The following CEP44 variants were observed in gnomAD, a reference collection of about 807,000 sequenced individuals.
CEP44 encodes centrosomal protein of 44 kDa.
In CEP44, 45 loss-of-function variants were observed where a neutral mutation model predicts 46.7. That is an observed-to-expected ratio of 0.96 (90% CI 0.76 to 1.24). CEP44 has a LOEUF of 1.24. Ranked by LOEUF, CEP44 falls within the 50% of genes most tolerant of loss-of-function variation. The probability of loss-of-function intolerance (pLI) is 0.00; values close to 1 mark genes in which losing one functional copy is unlikely to be tolerated. For synonymous variants in CEP44, 142 were observed against 146.0 expected, an observed-to-expected ratio of 0.97 and a Z score of 0.20; for missense variants, 475 against 459.7, an observed-to-expected ratio of 1.03 and a Z score of -0.30.
downstream of CEP44, among the ~76,000 whole-genome samples, chr4:174,323,343 T>C (rs1742448950): frequency 6.6e-6 from 1 of 152,150 alleles, no homozygotes; most frequent in Non-Finnish European, 1.5e-5. Flanking sequence ...TATTGTGTTA[T>C]AATTTACATA....
Position 174,309,803 on chromosome 4 carries a change from A to G in CEP44, c.679-47A>G. The G allele has an allele frequency of 7.8e-7, 1 of 1,287,902 alleles. No homozygotes were observed. Among genetic ancestry groups the G allele is most frequent in the Non-Finnish European group, 1.1e-6 (1 of 916,596 alleles). The allele number at this position is 1,287,902 out of a possible 1,614,324, so 79.8% of individuals were successfully genotyped here. A position where few individuals can be genotyped will look rare whatever the true frequency, so the allele number is the denominator to read the frequency against. ...AGTGAGAATACATTAATTTTAAAGA[A>G]ATTTCAGTTTGTTTAATTTTATTTT... On this transcript the variant is annotated intron_variant, in intron 7 of 11. Transcript: ENST00000503780. This position sits in a 1 kb window ranked among gnomAD's most constrained non-coding sequence, Gnocchi z 5.3.
chr4:174,305,603 G>C (rs1215541948), intron 6 of CEP44, among the ~76,000 whole-genome samples: 1 of 152,138 alleles, frequency 6.6e-6, no homozygotes, highest in Non-Finnish European at 1.5e-5. Flanking sequence ...TTTTGAATAA[G>C]TGCATGTAGT....
downstream of CEP44, among the ~76,000 whole-genome samples, chr4:174,320,688 G>GTGTGTGTGTGTGTGTGTGTA (rs1196220970): frequency 3.7e-5 from 5 of 134,896 alleles, no homozygotes; most frequent in East Asian, 8.3e-4. Flanking sequence ...TGTGCTCTGT[G>GTGTGTGTGTGTGTGTGTGTA]TGTGTGTGTG....
chr4:174,303,733 A>G lies in CEP44; in HGVS notation c.268A>G (p.Ile90Val). 2.6e-6 allele frequency: 4 copies of G among 1,548,234 alleles called. No homozygotes were observed. The highest frequency in any genetic ancestry group is 1.3e-5 in the African/African-American group (1 of 74,074). Residue 90 changes from isoleucine (I) to valine (V), a missense_variant, in exon 5 of 12, where the codon ATT (isoleucine) becomes GTT (valine). Coordinates refer to ENST00000503780, the MANE Select transcript of CEP44 (RefSeq NM_001040157.3). Reference protein sequence around the residue: ...LLRDQFNYKPILTKKQFIQCG... With the variant: ...LLRDQFNYKPVLTKKQFIQCG... ...TCGTGATCAATTTAATTATAAACCA[A>G]TTTTGACAAAAAAGCAGTTTATCCA...
In CEP44 at chr4:174,318,716, A is replaced by G. The variant is rs1238708447; in HGVS notation, c.*1333A>G. On this transcript the variant is annotated 3_prime_UTR_variant, in exon 12 of 12. Coordinates refer to ENST00000503780, the MANE Select transcript of CEP44 (RefSeq NM_001040157.3). ...ACTGTCAAATATAAAATATTGTTAT[A>G]TGAGTAGAAATCACTTAAATTTTTT... is the stretch of plus-strand genomic sequence containing the variant. The G allele has an allele frequency of 1.4e-6, 1 of 728,634 alleles. No homozygotes were observed. Among genetic ancestry groups the G allele is most frequent in the Non-Finnish European group, 1.7e-6 (1 of 596,542 alleles). 45.1% of individuals were successfully genotyped at this position (728,634 alleles called of 1,614,324 possible).
rs1012006750 is a variant in CEP44, at chr4:174,330,256, A to G, written c.1087-1226A>G. On this transcript the variant is annotated intron_variant, in intron 8 of 8. Transcript: ENST00000426172. Reference sequence around the variant, plus strand: ...GTAATCCCAGCACTTTGGGAGGCCGAAGTGGGTGGATCACCCGAGCTCAGG... The same window carrying G: ...GTAATCCCAGCACTTTGGGAGGCCGGAGTGGGTGGATCACCCGAGCTCAGG... 2.6e-5 allele frequency among the ~76,000 whole-genome samples: 4 copies of G among 152,148 alleles called. No homozygotes were observed. The South Asian group carries it at 6.2e-4, about 24-fold the overall frequency.
chr4:174,302,151 A>G lies in CEP44; in HGVS notation c.202A>G (p.Lys68Glu). Residue 68 changes from lysine (K) to glutamate (E), a missense_variant, in exon 4 of 12, where the codon AAA becomes GAA. Coordinates refer to ENST00000503780, the MANE Select transcript of CEP44 (RefSeq NM_001040157.3). ...GGAATCCAATGTAGAGCTCATAGCA[A>G]AAAATGACTTGCGCTTTATAGATGC... ...IMESNVELIA[K>E]NDLRFIDAVY... is the part of the protein sequence containing the mutation. 5 of 1,609,214 alleles carry G rather than the reference A, an allele frequency of 3.1e-6. No individual in the cohort carries two copies. The highest frequency in any genetic ancestry group is 4.2e-6 in the Non-Finnish European group (5 of 1,177,842).
chr4:174,300,950 AT>A (rs927910875), intron 3 of CEP44, among the ~76,000 whole-genome samples: 19 of 149,600 alleles, frequency 1.3e-4, no homozygotes, highest in East Asian at 3.9e-4. Flanking sequence ...GTTCAAAGGT[AT>A]TTTTTTTTTC....
intron 1 of CEP44, among the ~76,000 whole-genome samples, chr4:174,294,727 CA>C (rs764736747): frequency 0.021 from 2,934 of 140,144 alleles, 153 homozygotes; most frequent in African/African-American, 0.06. Flanking sequence ...GGGGGCTGAC[CA>C]CCCCCCACCT....
At position 174,299,222 on chromosome 4, in the gene CEP44, T is replaced by C. The variant is rs756875136; in HGVS notation, c.89+12T>C. 6 of 1,586,712 alleles carry C rather than the reference T, an allele frequency of 3.8e-6. No individual in the cohort carries two copies. Among genetic ancestry groups the C allele is most frequent in the Non-Finnish European group, 5.2e-6 (6 of 1,162,952 alleles). On this transcript the variant is annotated intron_variant, in intron 3 of 11. Coordinates refer to ENST00000503780, the MANE Select transcript of CEP44 (RefSeq NM_001040157.3). ...GTGGACTGTGTAGGGTAAGCTATAA[T>C]ATCAAACTTAATTGTATTCTTCTTG...
chr4:174,296,182 C>T (rs1294550148), intron 1 of CEP44, among the ~76,000 whole-genome samples: 1 of 152,094 alleles, frequency 6.6e-6, no homozygotes, highest in African/African-American at 2.4e-5. Flanking sequence ...GATATTCTTC[C>T]TATGTGATCT....
At chr4:174,302,783 A>ATTTT (rs1277308350) in intron 4 of CEP44, among the ~76,000 whole-genome samples, 36 of 133,648 alleles carry the variant, frequency 2.7e-4, no homozygotes, top group Non-Finnish European at 1.1e-4. Context: ...AATGTAGTCT[A>ATTTT]TTTTTTTTTT....
rs902250410 is a variant in CEP44, at chr4:174,318,513, A to C, written c.*1130A>C. 2.3e-6 allele frequency: 2 copies of C among 878,730 alleles called. No individual in the cohort carries two copies. The highest frequency in any genetic ancestry group is 1.8e-5 in the African/African-American group (1 of 55,198). The allele number at this position is 878,730 out of a possible 1,614,324, so 54.4% of individuals were successfully genotyped here. A position where few individuals can be genotyped will look rare whatever the true frequency, so the allele number is the denominator to read the frequency against. ...AATTTATTTTTAATATTACTACTAT[A>C]TGAATTATCTTTTTTTAAACTTGTA... On this transcript the variant is annotated 3_prime_UTR_variant, in exon 12 of 12. Transcript: ENST00000503780.
In CEP44 at chr4:174,309,752, C is replaced by T. The variant is rs1318425873; in HGVS notation, c.679-98C>T. ...TTAACTCTCAAGCAGGACGGTCTCT[C>T]CTAACTGTTGAGATAACGCTGTGGA... On this transcript the variant is annotated intron_variant, in intron 7 of 11. Transcript: ENST00000503780. The surrounding 1 kb of genome is among the most constrained non-coding windows in gnomAD (Gnocchi z 5.3). 25 of 843,932 alleles carry T rather than the reference C, an allele frequency of 3.0e-5. No homozygotes were observed. Among genetic ancestry groups the T allele is most frequent in the Non-Finnish European group, 4.4e-5 (24 of 542,424 alleles). 52.3% of individuals were successfully genotyped at this position (843,932 alleles called of 1,614,324 possible). A position where few individuals can be genotyped will look rare whatever the true frequency, so the allele number is the denominator to read the frequency against.
At position 174,314,718 on chromosome 4, in the gene CEP44, T is replaced by C. The variant is rs1741463075; in HGVS notation, c.962-1448T>C. Reference sequence around the variant, plus strand: ...CCACAGAAAAAAATCCAAGATTTAGTGCATAGTAGATATAGTTCCTGCCTA... The same window carrying C: ...CCACAGAAAAAAATCCAAGATTTAGCGCATAGTAGATATAGTTCCTGCCTA... On this transcript the variant is annotated intron_variant, in intron 9 of 11. Transcript: ENST00000503780. This position sits in a 1 kb window ranked among gnomAD's most constrained non-coding sequence, Gnocchi z 4.1. Among the ~76,000 whole-genome samples the C allele has an allele frequency of 6.6e-6, 1 of 152,212 alleles. No homozygotes were observed. The highest frequency in any genetic ancestry group is 1.5e-5 in the Non-Finnish European group (1 of 68,032).
At chr4:174,285,997 C>T (rs1256300494) in intron 1 of CEP44, among the ~76,000 whole-genome samples, 2 of 152,150 alleles carry the variant, frequency 1.3e-5, no homozygotes, top group South Asian at 2.1e-4. Context: ...CTAGTTATCT[C>T]CCATTTGACA....
chr4:174,303,927 C>A (rs1740058352), intron 5 of CEP44, 78 bp downstream of exon 5: 1 of 916,194 alleles, frequency 1.1e-6, no homozygotes, highest in Non-Finnish European at 1.6e-6. Context: ...AAAATCAAAA[C>A]CCTAGACAGC....
intron 1 of CEP44, among the ~76,000 whole-genome samples, chr4:174,291,176 TC>T (rs1738154526): frequency 1.3e-5 from 2 of 152,116 alleles, no homozygotes; most frequent in South Asian, 4.1e-4. Context: ...CTTAATTGTT[TC>T]CATTTTATTC....
rs568590655 is a variant in CEP44 at position 174,318,005 on chromosome 4, C to A, written c.*622C>A. 3.0e-6 allele frequency: 3 copies of A among 984,896 alleles called. No homozygotes were observed. In the East Asian group the frequency reaches 3.4e-4, roughly 112 times the overall value. The allele number at this position is 984,896 out of a possible 1,614,324, so 61.0% of individuals were successfully genotyped here. On this transcript the variant is annotated 3_prime_UTR_variant, in exon 12 of 12. Transcript: ENST00000503780. ...GGTCCTCAAGTTTAGACCAAGAGGA[C>A]TATGGTCTCAAGGTTCACCATGAGA...
Sources: gnomAD v4.1 joint callset for allele counts (sites outside exome capture counted in the v4.1 genomes callset) on GRCh38, gnomAD v4.1.1 for gene constraint, Gnocchi (gnomAD v3.1) non-coding constraint, MANE v1.5 for transcripts, NCBI Gene and HGNC (gene_info 2026-07-23, HGNC 2026-07-21) for gene names.